ABTB2: variants seen among roughly 807,000 people sequenced by gnomAD.
The protein encoded by ABTB2 is ankyrin repeat and BTB/POZ domain-containing protein 2.
In ABTB2, 56 loss-of-function variants were observed where a neutral mutation model predicts 104.1. That is an observed-to-expected ratio of 0.54 (90% CI 0.43 to 0.67). The LOEUF is 0.67. Among genes scored for constraint, ABTB2 ranks in the 30% least tolerant of loss-of-function variants. ABTB2 has a pLI of 0.00. For missense variants in ABTB2, 1,279 were observed against 1,407.7 expected (o/e 0.91, Z 1.46); for synonymous variants, 606 against 608.2 (o/e 1.00, Z 0.05).
chr11:34,233,310 G>A (rs781043584), intron 1 of ABTB2, among the ~76,000 whole-genome samples: 1 of 149,028 alleles, frequency 6.7e-6, no homozygotes, highest in Non-Finnish European at 1.5e-5. Context: ...GAAGGGAAAT[G>A]GCATGATCAT....
At chr11:34,353,273 A>C in intron 1 of ABTB2, among the ~76,000 whole-genome samples, 1 of 152,234 alleles carries the variant, frequency 6.6e-6, no homozygotes, top group South Asian at 2.1e-4. Flanking sequence ...AAAATGCCAC[A>C]GACACTCACA....
intron 1 of ABTB2, among the ~76,000 whole-genome samples, chr11:34,310,754 G>A (rs751237450): frequency 6.6e-6 from 1 of 152,080 alleles, no homozygotes; most frequent in Non-Finnish European, 1.5e-5. Context: ...GCTCTCCTCC[G>A]TGGGTGGACT....
At chr11:34,215,258 AG>A (rs1272875579) in intron 1 of ABTB2, among the ~76,000 whole-genome samples, 1 of 152,206 alleles carries the variant, frequency 6.6e-6, no homozygotes, top group African/African-American at 2.4e-5. Context: ...TTCCCCTGCT[AG>A]GGATCAGTGC....
In ABTB2 at chr11:34,162,709, A is replaced by G. The variant is rs1389761505; in HGVS notation, c.2085T>C (p.Asp695=). 1.2e-6 allele frequency: 2 copies of G among 1,612,544 alleles called. No homozygotes were observed. ...EILAEGVEES[D]ASSQGSGSEG... is the part of the protein sequence containing the mutation. ...CGCTGCCACTGCCCTGGCTCGACGCATCACTTTCCTCCACACCCTCGGCCA... is the reference window on the plus strand; with the variant it reads ...CGCTGCCACTGCCCTGGCTCGACGCGTCACTTTCCTCCACACCCTCGGCCA... Residue 695 remains aspartate (D), a synonymous_variant, in exon 10 of 17, where the codon GAT becomes GAC. Transcript: ENST00000435224.
At chr11:34,342,067 C>T (rs74841780) in intron 1 of ABTB2, among the ~76,000 whole-genome samples, 14,061 of 152,246 alleles carry the variant, frequency 0.092, 843 homozygotes, top group Non-Finnish European at 0.13. Flanking sequence ...AGAGGTCCCA[C>T]ACTCTCCAAG....
At chr11:34,201,773 T>C (rs1343822248) in intron 2 of ABTB2, among the ~76,000 whole-genome samples, 3 of 152,222 alleles carry the variant, frequency 2.0e-5, no homozygotes, top group African/African-American at 7.2e-5. Context: ...ACAGGGCAAC[T>C]TGGCACATGA....
At chr11:34,184,824 T>C (rs1853076336) in intron 3 of ABTB2, among the ~76,000 whole-genome samples, 1 of 152,252 alleles carries the variant, frequency 6.6e-6, no homozygotes, top group African/African-American at 2.4e-5. Context: ...TGCAGCCATG[T>C]GCCAGGGACT....
rs114709300 is a variant in ABTB2, at chr11:34,190,958, G to A, written c.1244+6367C>T. On this transcript the variant is annotated intron_variant, in intron 3 of 16. Coordinates refer to ENST00000435224, the MANE Select transcript of ABTB2 (RefSeq NM_145804.3). ...CTTTACTGTATTATCTCATTTAACC[G>A]TAGAAGCCATACTACTATCTTCACC... 7.0e-3 allele frequency among the ~76,000 whole-genome samples: 1,070 copies of A among 152,230 alleles called. 10 individuals carry two copies. The highest frequency in any genetic ancestry group is 0.024 in the African/African-American group (1,014 of 41,534).
rs1169164861 is a variant in ABTB2 at position 34,332,219 on chromosome 11, T to G, written c.883+24482A>C. ...GAGGCATCTGTAAATGCATGTGATG[T>G]GGCTGTAGGCAGACCTAGCTCTAGA... On this transcript the variant is annotated intron_variant, in intron 1 of 16. Transcript: ENST00000435224. Among the ~76,000 whole-genome samples the G allele has an allele frequency of 2.0e-5, 3 of 152,220 alleles. No homozygotes were observed. The East Asian group carries it at 5.8e-4, about 29-fold the overall frequency.
chr11:34,328,333 A>T (rs968753177), intron 1 of ABTB2, among the ~76,000 whole-genome samples: 1 of 152,200 alleles, frequency 6.6e-6, no homozygotes, highest in African/African-American at 2.4e-5. Context: ...CTCTATCCAC[A>T]GCATCGGAGT....
At chr11:34,191,619 G>A (rs941883359) in intron 3 of ABTB2, among the ~76,000 whole-genome samples, 1 of 152,210 alleles carries the variant, frequency 6.6e-6, no homozygotes, top group Non-Finnish European at 1.5e-5. Context: ...ATCAAGACAA[G>A]CAGCATGGGA....
At chr11:34,231,783 G>A (rs56371401) in intron 1 of ABTB2, among the ~76,000 whole-genome samples, 2,203 of 152,234 alleles carry the variant, frequency 0.014, 58 homozygotes, top group African/African-American at 0.051. Flanking sequence ...GCACCCGGCC[G>A]ATAGTGTGTA....
At chr11:34,221,525 C>T (rs1016139646) in intron 1 of ABTB2, among the ~76,000 whole-genome samples, 2 of 152,108 alleles carry the variant, frequency 1.3e-5, no homozygotes, top group African/African-American at 4.8e-5. Flanking sequence ...GCTCAGAGTA[C>T]ACTGTCCAGC....
At chr11:34,324,678 A>G (rs1045029952) in intron 1 of ABTB2, among the ~76,000 whole-genome samples, 2 of 152,202 alleles carry the variant, frequency 1.3e-5, no homozygotes, top group Non-Finnish European at 2.9e-5. Flanking sequence ...CCAGCTGCCA[A>G]AGCCTTCTGA....
intron 3 of ABTB2, among the ~76,000 whole-genome samples, chr11:34,195,077 G>GGGGGC (rs1554982305): frequency 1.0e-5 from 1 of 97,212 alleles, no homozygotes; most frequent in African/African-American, 3.5e-5. Context: ...ATGCCCGGCG[G>GGGGGC]GGGGGGGGAG....
chr11:34,328,571 A>G (rs1590258235), intron 1 of ABTB2, among the ~76,000 whole-genome samples: 2 of 152,356 alleles, frequency 1.3e-5, no homozygotes, highest in East Asian at 3.9e-4. Flanking sequence ...CTGAATAAAC[A>G]GTTTCTGTTA....
chr11:34,212,473 C>T (rs1271817003), intron 1 of ABTB2, among the ~76,000 whole-genome samples: 1 of 152,192 alleles, frequency 6.6e-6, no homozygotes, highest in Non-Finnish European at 1.5e-5. Context: ...GAAAGACCCT[C>T]GCAGTGGAGT....
intron 1 of ABTB2, among the ~76,000 whole-genome samples, chr11:34,242,709 G>A (rs1005543657): frequency 6.6e-6 from 1 of 152,086 alleles, no homozygotes; most frequent in African/African-American, 2.4e-5. Context: ...CTGGTGTAAG[G>A]GTGTATGACA....
intron 14 of ABTB2, 38 bp downstream of exon 14, chr11:34,159,258 A>T (rs1202051510): frequency 6.6e-7 from 1 of 1,516,998 alleles, no homozygotes; most frequent in Non-Finnish European, 9.1e-7. Flanking sequence ...GGGGAGGGTC[A>T]TCCCTCTGAG....
Sources: allele counts gnomAD v4.1 joint callset (sites outside exome capture counted in the v4.1 genomes callset), GRCh38; gene constraint gnomAD v4.1.1; transcripts MANE v1.5; gene names NCBI Gene and HGNC (gene_info 2026-07-23, HGNC 2026-07-21).